Variants in BRF1 observed in about 807,000 individuals in gnomAD.
The protein encoded by BRF1 is transcription factor IIIB 90 kDa subunit.
In BRF1, 59 loss-of-function variants were observed where a neutral mutation model predicts 81.7. The ratio of observed to expected loss-of-function variants is 0.72; its 90% confidence interval spans 0.59 to 0.90. The LOEUF is 0.90. Among genes scored for constraint, BRF1 ranks in the 40% least tolerant of loss-of-function variants. The probability of loss-of-function intolerance (pLI) is 0.00; values close to 1 mark genes in which losing one functional copy is unlikely to be tolerated. For synonymous variants in BRF1, 491 were observed against 395.6 expected, an observed-to-expected ratio of 1.24 and a Z score of -2.86; for missense variants, 1,050 against 936.3, an observed-to-expected ratio of 1.12 and a Z score of -1.58.
intron 1 of BRF1, among the ~76,000 whole-genome samples, chr14:105,290,673 C>T (rs1020871657): frequency 5.9e-5 from 9 of 152,128 alleles, no homozygotes; most frequent in East Asian, 5.8e-4. Flanking sequence ...AAGCTGCATG[C>T]GTCAGCAGCT....
intron 3 of BRF1, among the ~76,000 whole-genome samples, chr14:105,272,294 CA>C (rs1398476495): frequency 1.3e-5 from 2 of 152,232 alleles, no homozygotes; most frequent in Non-Finnish European, 2.9e-5. Flanking sequence ...CGCCCACAGT[CA>C]CGGTGTCCAC....
intron 1 of BRF1, among the ~76,000 whole-genome samples, chr14:105,297,350 C>T (rs1381521706): frequency 6.6e-6 from 1 of 150,378 alleles, no homozygotes; most frequent in East Asian, 2.0e-4. Flanking sequence ...GGGCGGATCA[C>T]GAGGTCAGGA....
intron 2 of BRF1, among the ~76,000 whole-genome samples, chr14:105,282,814 C>T (rs1566863259): frequency 1.3e-5 from 2 of 152,020 alleles, no homozygotes; most frequent in African/African-American, 4.8e-5. Flanking sequence ...GCACTTGTAA[C>T]TCCAGCTACT....
At chr14:105,246,960 C>T (rs891286453) in intron 5 of BRF1, 1 of 985,308 alleles carries the variant, frequency 1.0e-6, no homozygotes, top group Admixed American at 6.2e-5. Context: ...TCACTGCATT[C>T]CCCAAATGGA....
chr14:105,254,282 A>C (rs1303520722), intron 4 of BRF1, among the ~76,000 whole-genome samples: 1 of 152,182 alleles, frequency 6.6e-6, no homozygotes, highest in Non-Finnish European at 1.5e-5. Flanking sequence ...TTTGAGACGG[A>C]GTCTTGCTCT....
rs1217349270 is a variant in BRF1, at chr14:105,209,961, G to A, written c.*590C>T. On this transcript the variant is annotated 3_prime_UTR_variant, in exon 18 of 18. Transcript: ENST00000547530. Reference sequence around the variant, plus strand: ...GGGGGTGTCTGCCTCGGACGAGGCAGGTATCTGGATGCAGGGCCACAGCTG... The same window carrying A: ...GGGGGTGTCTGCCTCGGACGAGGCAAGTATCTGGATGCAGGGCCACAGCTG... 1.6e-5 allele frequency: 5 copies of A among 315,260 alleles called. No individual in the cohort carries two copies. Among genetic ancestry groups the A allele is most frequent in the Non-Finnish European group, 2.9e-5 (5 of 172,508 alleles). The allele number at this position is 315,260 out of a possible 1,614,324, so 19.5% of individuals were successfully genotyped here.
At chr14:105,216,049 CACAG>C (rs999374233) in intron 15 of BRF1, among the ~76,000 whole-genome samples, 4 of 149,184 alleles carry the variant, frequency 2.7e-5, no homozygotes, top group South Asian at 2.1e-4. Context: ...ACACTGCGTA[CACAG>C]ACACAGGCAC....
At chr14:105,247,396 T>G in intron 5 of BRF1, 1 of 985,416 alleles carries the variant, frequency 1.0e-6, no homozygotes, top group Non-Finnish European at 1.2e-6. Context: ...GAAATGATGA[T>G]TTGTGCACTC....
chr14:105,266,791 C>T (rs1170090952), intron 3 of BRF1, among the ~76,000 whole-genome samples: 1 of 152,136 alleles, frequency 6.6e-6, no homozygotes, highest in Admixed American at 6.6e-5. Context: ...CACCTAGAAT[C>T]CCAGCACTTT....
chr14:105,243,571 T>C (rs1315700195), intron 5 of BRF1, among the ~76,000 whole-genome samples: 8 of 148,934 alleles, frequency 5.4e-5, no homozygotes, highest in East Asian at 4.1e-4. Context: ...TGAGCTGTGA[T>C]TGCACCACTG....
At chr14:105,274,842 C>T (rs1383659413) in intron 2 of BRF1, among the ~76,000 whole-genome samples, 2 of 152,236 alleles carry the variant, frequency 1.3e-5, no homozygotes, top group Admixed American at 6.5e-5. Flanking sequence ...TCTGTCTGCA[C>T]AGTGGGCGTC....
chr14:105,241,792 G>T lies in BRF1; in HGVS notation c.545-378C>A, dbSNP rs587687713. The T allele has an allele frequency of 2.0e-5, 5 of 255,634 alleles. No individual in the cohort carries two copies. In the East Asian group the frequency reaches 4.4e-4, roughly 23 times the overall value. 15.8% of individuals were successfully genotyped at this position (255,634 alleles called of 1,614,324 possible). On this transcript the variant is annotated intron_variant, in intron 5 of 17. Transcript: ENST00000547530. ...GACTCTTAGAGCAAGACAGGCGTGG[G>T]CTGGGTACACAAGTCGCCAGCCGGC... is the stretch of plus-strand genomic sequence containing the variant.
chr14:105,299,498 C>G (rs1356331472), intron 1 of BRF1, among the ~76,000 whole-genome samples: 1 of 152,094 alleles, frequency 6.6e-6, no homozygotes, highest in Non-Finnish European at 1.5e-5. Context: ...TTGCCTGAGC[C>G]TAGGAGTTCA....
At chr14:105,287,264 G>T (rs587605765) in intron 1 of BRF1, among the ~76,000 whole-genome samples, 1 of 152,298 alleles carries the variant, frequency 6.6e-6, no homozygotes, top group African/African-American at 2.4e-5. Flanking sequence ...TCACCAGCCC[G>T]ATCGCTGCAG....
intron 1 of BRF1, among the ~76,000 whole-genome samples, chr14:105,294,244 C>T (rs1413227478): frequency 6.6e-6 from 1 of 152,254 alleles, no homozygotes; most frequent in Non-Finnish European, 1.5e-5. Context: ...AGGACCACCA[C>T]AGTTGGTTGC....
intron 1 of BRF1, among the ~76,000 whole-genome samples, chr14:105,296,694 A>G (rs78519823): frequency 1.5e-3 from 225 of 149,470 alleles, no homozygotes; most frequent in Non-Finnish European, 2.4e-3. Context: ...AAAAAAAGAA[A>G]AAAAAAAAAA....
At chr14:105,291,271 G>A (rs1451456514) in intron 1 of BRF1, among the ~76,000 whole-genome samples, 1 of 152,194 alleles carries the variant, frequency 6.6e-6, no homozygotes, top group Non-Finnish European at 1.5e-5. Flanking sequence ...AGACAGAAAG[G>A]CGGGCCAGGG....
intron 3 of BRF1, among the ~76,000 whole-genome samples, chr14:105,262,365 G>A (rs587621135): frequency 1.3e-5 from 2 of 152,198 alleles, no homozygotes; most frequent in African/African-American, 4.8e-5. Context: ...TGACTGATGC[G>A]GGGTAGGAGA....
chr14:105,250,418 T>C (rs772912309), intron 5 of BRF1: 5 of 1,613,806 alleles, frequency 3.1e-6, no homozygotes. Context: ...GGCTCAGAAC[T>C]TGACCAAGTT....
Sources: gnomAD v4.1 joint callset for allele counts (sites outside exome capture counted in the v4.1 genomes callset) on GRCh38, gnomAD v4.1.1 for gene constraint, MANE v1.5 for transcripts, NCBI Gene and HGNC (gene_info 2026-07-23, HGNC 2026-07-21) for gene names.